THAP5: variants seen among roughly 807,000 people sequenced by gnomAD.
THAP5 encodes the protein THAP domain-containing protein 5.
Under a neutral mutation model 34.0 loss-of-function variants are expected in THAP5, and 26 were observed. The ratio of observed to expected loss-of-function variants is 0.77; its 90% CI spans 0.56 to 1.06. THAP5 has a LOEUF of 1.06. Ranked by LOEUF, THAP5 falls within the 50% of genes least tolerant of loss-of-function variation. THAP5 has a pLI of 0.00. For missense variants in THAP5, 394 were observed against 452.8 expected, an observed-to-expected ratio of 0.87 and a Z score of 1.18; for synonymous variants, 125 against 153.0, an observed-to-expected ratio of 0.82 and a Z score of 1.35.
At chr7:108,553,801 G>T (rs1864368798), downstream of THAP5, among the ~76,000 whole-genome samples, 1 of 152,084 alleles carries the variant, frequency 6.6e-6, no homozygotes, top group African/African-American at 2.4e-5. Context: ...ACTCTTCCTA[G>T]CCCTGCAGAA....
At chr7:108,550,160 A>T (rs1342445061), downstream of THAP5, among the ~76,000 whole-genome samples, 1 of 152,176 alleles carries the variant, frequency 6.6e-6, no homozygotes, top group East Asian at 1.9e-4. Flanking sequence ...GGATATACAG[A>T]ATCAATTCTA....
In THAP5 at chr7:108,556,084, C is replaced by CA. The variant is rs1258012060; in HGVS notation, n.109-1226dup. The stretch of plus-strand genomic sequence containing the variant: ...TAAACAACCAGATCTCGTGAAAACT[C>CA]ATTCACTATCATGAGAACAGCAAGA... On this transcript the variant is annotated intron_variant and non_coding_transcript_variant, in intron 1 of 1. Coordinates refer to the THAP5 transcript ENST00000468884. Among the ~76,000 whole-genome samples, 9 of 152,156 alleles carry CA rather than the reference C, an allele frequency of 5.9e-5. 1 individual carries two copies. Among genetic ancestry groups the CA allele is most frequent in the Admixed American group, 3.9e-4 (6 of 15,278 alleles).
intron 1 of THAP5, chr7:108,569,023 G>A (rs1790549197): frequency 1.4e-5 from 12 of 829,772 alleles, no homozygotes; most frequent in African/African-American, 1.8e-5. Flanking sequence ...AAACTTTCAA[G>A]GTCGGTTACC....
the THAP5 span, among the ~76,000 whole-genome samples, chr7:108,544,404 G>A: frequency 1.3e-5 from 2 of 151,556 alleles, no homozygotes; most frequent in East Asian, 1.9e-4. Context: ...GGTGGCAGGC[G>A]CCTGTAATCC....
downstream of THAP5, among the ~76,000 whole-genome samples, chr7:108,561,097 CCT>C (rs367772051): frequency 2.6e-5 from 4 of 152,210 alleles, no homozygotes; most frequent in African/African-American, 7.2e-5. Context: ...TCTGTTCTTC[CCT>C]GTTTCCTTTC....
chr7:108,542,280 A>C, the THAP5 span, among the ~76,000 whole-genome samples: 1 of 152,152 alleles, frequency 6.6e-6, no homozygotes, highest in African/African-American at 2.4e-5. Flanking sequence ...AATGTCTATA[A>C]GGCTAGATGG....
At chr7:108,542,116 A>G in the THAP5 span, among the ~76,000 whole-genome samples, 1 of 152,192 alleles carries the variant, frequency 6.6e-6, no homozygotes, top group Non-Finnish European at 1.5e-5. Context: ...TCGAATTTGT[A>G]TTGCTATTCT....
intron 1 of THAP5, among the ~76,000 whole-genome samples, chr7:108,556,135 A>G (rs1307768586): frequency 1.3e-5 from 2 of 151,914 alleles, no homozygotes; most frequent in Non-Finnish European, 2.9e-5. Context: ...TGATTCAATC[A>G]CCTCCCACCA....
intron 1 of THAP5, among the ~76,000 whole-genome samples, chr7:108,567,968 A>G (rs1330157613): frequency 6.6e-6 from 1 of 152,244 alleles, no homozygotes; most frequent in Non-Finnish European, 1.5e-5. Context: ...GTTATACCCC[A>G]TCTCCAATAT....
Position 108,562,436 on chromosome 7 carries a change from A to G in THAP5, c.*1755T>C, listed in dbSNP as rs1790363322. ...TTATAATTAGTTGACTCACTTTCAT[A>G]TAGTACCAATTAATATTAGCCTAAT... On this transcript the variant is annotated 3_prime_UTR_variant, in exon 3 of 3. Coordinates refer to ENST00000415914, the MANE Select transcript of THAP5 (RefSeq NM_001130475.3). 1 of 152,234 alleles carries G rather than the reference A, an allele frequency of 6.6e-6. No individual in the cohort carries two copies. The highest frequency in any genetic ancestry group is 2.4e-5 in the African/African-American group (1 of 41,466). 9.4% of individuals were successfully genotyped at this position (152,234 alleles called of 1,614,324 possible).
intron 1 of THAP5, chr7:108,569,106 G>A (rs1790552368): frequency 1.9e-6 from 2 of 1,051,510 alleles, no homozygotes; most frequent in South Asian, 6.7e-5. Context: ...TACCTCGCGG[G>A]GGGTGTAAAT....
the THAP5 span, among the ~76,000 whole-genome samples, chr7:108,544,546 A>G: frequency 6.6e-6 from 1 of 151,798 alleles, no homozygotes; most frequent in African/African-American, 2.4e-5. Flanking sequence ...AAAAACAAAA[A>G]CAAAAACAAA....
chr7:108,555,575 G>T (rs1231328266), intron 1 of THAP5, among the ~76,000 whole-genome samples: 1 of 152,086 alleles, frequency 6.6e-6, no homozygotes, highest in Non-Finnish European at 1.5e-5. Flanking sequence ...CTGAGACTGG[G>T]TAATTTCTGA....
rs1367717024 is a variant in THAP5 at position 108,562,478 on chromosome 7, T to C, written c.*1713A>G. 1.3e-5 allele frequency: 2 copies of C among 152,228 alleles called. No individual in the cohort carries two copies. The highest frequency in any genetic ancestry group is 4.8e-5 in the African/African-American group (2 of 41,466). The allele number at this position is 152,228 out of a possible 1,614,324, so 9.4% of individuals were successfully genotyped here. A position where few individuals can be genotyped will look rare whatever the true frequency, so the allele number is the denominator to read the frequency against. On this transcript the variant is annotated 3_prime_UTR_variant, in exon 3 of 3. Coordinates refer to ENST00000415914, the MANE Select transcript of THAP5 (RefSeq NM_001130475.3). Reference sequence around the variant, plus strand: ...TAGCCTAATGAAACTAAGTCAAATATGGCCAAAAATAATCATCATGCATTT... The same window carrying C: ...TAGCCTAATGAAACTAAGTCAAATACGGCCAAAAATAATCATCATGCATTT...
chr7:108,550,389 A>G (rs40925), downstream of THAP5, among the ~76,000 whole-genome samples: 44,132 of 152,022 alleles, frequency 0.29, 6,786 homozygotes, highest in Non-Finnish European at 0.34. Context: ...TCAGGACATA[A>G]TGGGTCATTC....
In THAP5 at chr7:108,564,715, G is replaced by A; in HGVS notation, c.664C>T (p.Gln222Ter). The A allele has an allele frequency of 4.3e-6, 7 of 1,613,766 alleles. No individual in the cohort carries two copies. Among genetic ancestry groups the A allele is most frequent in the Non-Finnish European group, 5.9e-6 (7 of 1,179,900 alleles). ...SESIHQSLET[Q>*]EVLEVTTSHL... ...CTGGTAGTTACTTCAAGAACTTCTT[G>A]AGTTTCCAAAGATTGATGAATACTT... The change falls in exon 3 of 3, where the codon CAA becomes TAA. Residue 222 changes from glutamine to a stop codon, truncating the protein, a stop_gained. Transcript: ENST00000415914. LOFTEE classifies it high-confidence loss of function.
At chr7:108,556,168 G>T (rs1182684290) in intron 1 of THAP5, among the ~76,000 whole-genome samples, 1 of 152,148 alleles carries the variant, frequency 6.6e-6, no homozygotes. Flanking sequence ...CACACATGGG[G>T]ATTACAATTT....
chr7:108,565,349 C>T, intron 2 of THAP5: 1 of 306,068 alleles, frequency 3.3e-6, no homozygotes, highest in Non-Finnish European at 5.9e-6. Flanking sequence ...GGCAGATCAA[C>T]TGAGGTCAGG....
At position 108,565,813 on chromosome 7, in the gene THAP5, C is replaced by A; in HGVS notation, c.273+17G>T. 1 of 1,527,308 alleles carries A rather than the reference C, an allele frequency of 6.5e-7. No individual in the cohort carries two copies. Among genetic ancestry groups the A allele is most frequent in the Non-Finnish European group, 8.8e-7 (1 of 1,136,998 alleles). 94.6% of individuals were successfully genotyped at this position (1,527,308 alleles called of 1,614,324 possible). A position where few individuals can be genotyped will look rare whatever the true frequency, so the allele number is the denominator to read the frequency against. On this transcript the variant is annotated intron_variant, in intron 2 of 2. Transcript: ENST00000415914. ...TGCCACTCTGCTCAGCATTACCCCT[C>A]TCCCATACTGCAATACCTGATTGTC...
Sources: gnomAD v4.1 joint callset for allele counts (sites outside exome capture counted in the v4.1 genomes callset) on GRCh38, gnomAD v4.1.1 for gene constraint, MANE v1.5 for transcripts, NCBI Gene and HGNC (gene_info 2026-07-23, HGNC 2026-07-21) for gene names.